CREM: variants seen among roughly 807,000 people sequenced by gnomAD.
CREM encodes the protein cAMP responsive element modulator, also known as cAMP-responsive element modulator.
A neutral mutation model predicts 37.3 loss-of-function variants in CREM; 13 were observed. That is an observed-to-expected ratio of 0.35 (90% CI 0.23 to 0.55). The LOEUF (loss-of-function observed/expected upper bound fraction) is 0.55. Ranked by LOEUF, CREM falls within the 20% of genes least tolerant of loss-of-function variation. CREM has a pLI of 0.88. For missense variants in CREM, 296 were observed against 362.3 expected, an observed-to-expected ratio of 0.82 and a Z score of 1.49; for synonymous variants, 124 against 120.2, an observed-to-expected ratio of 1.03 and a Z score of -0.21.
In CREM at chr10:35,167,785, A is replaced by T. The variant is rs76802222; in HGVS notation, c.169-11104A>T. The T allele has an allele frequency of 1.8e-5, 29 of 1,614,100 alleles. No individual in the cohort carries two copies. In the African/African-American group the frequency reaches 3.7e-4, roughly 21 times the overall value. ...GTCCTATAGAAGAGGATTATTCTTC[A>T]GGGGATGTGGAAGAAAAGGTAAATG... is the stretch of plus-strand genomic sequence containing the variant. On this transcript the variant is annotated intron_variant, in intron 3 of 7. Transcript: ENST00000685392.
intron 3 of CREM, among the ~76,000 whole-genome samples, chr10:35,156,317 T>C (rs2092913574): frequency 6.6e-6 from 1 of 152,012 alleles, no homozygotes; most frequent in African/African-American, 2.4e-5. Context: ...GATATGATCG[T>C]GACTCACTGC....
intron 5 of CREM, among the ~76,000 whole-genome samples, chr10:35,184,358 T>C (rs996281048): frequency 2.6e-5 from 4 of 152,242 alleles, no homozygotes; most frequent in African/African-American, 9.6e-5. Flanking sequence ...ATGCTATCCT[T>C]GACTATTTTG....
At chr10:35,168,384 A>T (rs960755153) in intron 3 of CREM, among the ~76,000 whole-genome samples, 4 of 152,230 alleles carry the variant, frequency 2.6e-5, no homozygotes, top group Non-Finnish European at 5.9e-5. Context: ...TGTTGGCTGC[A>T]TAAATGTCTT....
intron 6 of CREM, among the ~76,000 whole-genome samples, chr10:35,190,380 A>C (rs553677150): frequency 1.3e-5 from 2 of 152,264 alleles, no homozygotes; most frequent in East Asian, 3.9e-4. Flanking sequence ...GCCACTCCCA[A>C]GGGTTTGTTG....
At chr10:35,164,552 G>A (rs1363712924) in intron 3 of CREM, among the ~76,000 whole-genome samples, 1 of 152,126 alleles carries the variant, frequency 6.6e-6, no homozygotes, top group Admixed American at 6.6e-5. Flanking sequence ...AAACATTGCT[G>A]GCCACTTTGG....
intron 3 of CREM, among the ~76,000 whole-genome samples, chr10:35,160,015 T>G (rs1056730751): frequency 6.0e-5 from 9 of 149,422 alleles, no homozygotes; most frequent in Non-Finnish European, 1.3e-4. Flanking sequence ...CAATTTCATC[T>G]TTTTTTTTTC....
chr10:35,185,809 C>T (rs997341037), intron 5 of CREM, among the ~76,000 whole-genome samples: 2 of 152,184 alleles, frequency 1.3e-5, no homozygotes, highest in African/African-American at 4.8e-5. Flanking sequence ...CAGTTTCTGC[C>T]ACACTGGCCT....
At chr10:35,190,411 G>T (rs1310189898) in intron 6 of CREM, among the ~76,000 whole-genome samples, 1 of 152,134 alleles carries the variant, frequency 6.6e-6, no homozygotes, top group Non-Finnish European at 1.5e-5. Context: ...GGTGTATGGG[G>T]CAGCCTTAAT....
Position 35,191,150 on chromosome 10 carries a change from G to A in CREM, c.598+2762G>A, listed in dbSNP as rs146769404. On this transcript the variant is annotated intron_variant, in intron 6 of 7. Transcript: ENST00000685392. The stretch of plus-strand genomic sequence containing the variant: ...GGAACAGTTGAACATTTTTCTTCAC[G>A]GAGATCTTGCATATTCTTTCTTTAG... Among the ~76,000 whole-genome samples, 110 of 147,346 alleles carry A rather than the reference G, an allele frequency of 7.5e-4. 4 individuals carry two copies. In the East Asian group the frequency reaches 9.1e-3, roughly 12 times the overall value.
At chr10:35,128,264 T>C (rs993279387) in intron 1 of CREM, among the ~76,000 whole-genome samples, 6 of 152,162 alleles carry the variant, frequency 3.9e-5, no homozygotes, top group African/African-American at 1.4e-4. Flanking sequence ...TTTTAAGAAA[T>C]TGGGACTTAC....
intron 2 of CREM, among the ~76,000 whole-genome samples, chr10:35,140,609 C>T (rs115933769): frequency 1.2e-3 from 184 of 152,256 alleles, no homozygotes; most frequent in African/African-American, 4.3e-3. Context: ...GAGTTGCTCA[C>T]GCTGGTGTGT....
At chr10:35,152,669 T>C (rs2092669494) in intron 3 of CREM, among the ~76,000 whole-genome samples, 1 of 152,224 alleles carries the variant, frequency 6.6e-6, no homozygotes, top group African/African-American at 2.4e-5. Context: ...AGGACTAGAC[T>C]CGCTGGATTC....
chr10:35,155,172 GA>G (rs1241551744), intron 3 of CREM, among the ~76,000 whole-genome samples: 1 of 152,138 alleles, frequency 6.6e-6, no homozygotes, highest in African/African-American at 2.4e-5. Context: ...GACTGTTAAA[GA>G]TTTTTTTGTA....
At chr10:35,165,063 A>T (rs1173798675) in intron 3 of CREM, among the ~76,000 whole-genome samples, 1 of 150,320 alleles carries the variant, frequency 6.7e-6, no homozygotes, top group Non-Finnish European at 1.5e-5. Context: ...TCTCAAAAAA[A>T]AAAAAAAAAA....
At chr10:35,180,065 A>G (rs547488003) in intron 5 of CREM, among the ~76,000 whole-genome samples, 21 of 152,324 alleles carry the variant, frequency 1.4e-4, no homozygotes, top group African/African-American at 4.6e-4. Context: ...TAAATTGTCC[A>G]TGGAAGTTGT....
At chr10:35,134,004 A>G (rs2089952858) in intron 1 of CREM, among the ~76,000 whole-genome samples, 1 of 152,104 alleles carries the variant, frequency 6.6e-6, no homozygotes, top group Non-Finnish European at 1.5e-5. Context: ...TAGTTTTTCC[A>G]GAAAAGTTAC....
chr10:35,188,410 C>G, intron 6 of CREM, 22 bp downstream of exon 6: 1 of 1,578,822 alleles, frequency 6.3e-7, no homozygotes, highest in Non-Finnish European at 8.6e-7. Context: ...TAATCTAATA[C>G]ATTTAGAATA....
intron 1 of CREM, among the ~76,000 whole-genome samples, chr10:35,132,920 AC>A (rs1338461549): frequency 2.0e-5 from 3 of 152,222 alleles, no homozygotes; most frequent in African/African-American, 7.2e-5. Flanking sequence ...TGCTCTTGCT[AC>A]TTAAATTACA....
rs181260489 is a variant in CREM, at chr10:35,150,555, C to T, written c.168+2064C>T. 1.7e-4 allele frequency among the ~76,000 whole-genome samples: 26 copies of T among 152,268 alleles called. No homozygotes were observed. The East Asian group carries it at 4.8e-3, about 28-fold the overall frequency. On this transcript the variant is annotated intron_variant, in intron 3 of 7. Transcript: ENST00000685392. ...GCCAACAGGTGGCCAGGTGCAGTGG[C>T]TCATATCTGTAATCCCAGTACTTTG...
Sources: gnomAD v4.1 joint callset for allele counts (sites outside exome capture counted in the v4.1 genomes callset) on GRCh38, gnomAD v4.1.1 for gene constraint, MANE v1.5 for transcripts, NCBI Gene and HGNC (gene_info 2026-07-23, HGNC 2026-07-21) for gene names.